HERC1: variants seen among roughly 807,000 people sequenced by gnomAD.
HERC1 encodes the protein probable E3 ubiquitin-protein ligase HERC1.
Under a neutral mutation model 554.3 loss-of-function variants are expected in HERC1, and 160 were observed. The observed-to-expected ratio is 0.29, with a 90% CI of 0.25 to 0.33. The LOEUF is 0.33. HERC1 is among the 10% of genes least tolerant of loss of function. The probability of loss-of-function intolerance (pLI) is 1.00; values close to 1 mark genes in which losing one functional copy is unlikely to be tolerated. For missense variants in HERC1, 4,919 were observed against 5,918.5 expected, an observed-to-expected ratio of 0.83 and a Z score of 5.54; for synonymous variants, 2,175 against 2,131.7, an observed-to-expected ratio of 1.02 and a Z score of -0.56.
At chr15:63,789,237 C>T (rs931387236) in intron 1 of HERC1, among the ~76,000 whole-genome samples, 4 of 148,240 alleles carry the variant, frequency 2.7e-5, no homozygotes, top group Admixed American at 1.3e-4. Context: ...ACTACAGGCG[C>T]CCGCCACTAC....
chr15:63,825,891 T>C (rs571580623), intron 1 of HERC1, among the ~76,000 whole-genome samples: 25 of 151,788 alleles, frequency 1.6e-4, no homozygotes, highest in African/African-American at 5.8e-4. Context: ...GCCTCCCGAG[T>C]AGCTGGGATT....
chr15:63,678,755 G>A (rs1303793878), intron 36 of HERC1, among the ~76,000 whole-genome samples: 1 of 151,984 alleles, frequency 6.6e-6, no homozygotes, highest in Non-Finnish European at 1.5e-5. Context: ...TTGTTCAAGG[G>A]GTGCAAAAGT....
rs182741386 is a variant in HERC1 at position 63,711,475 on chromosome 15, A to G, written c.4584+1300T>C. Among the ~76,000 whole-genome samples the G allele has an allele frequency of 1.0e-3, 152 of 152,338 alleles. 1 individual carries two copies. The highest frequency in any genetic ancestry group is 3.6e-3 in the African/African-American group (148 of 41,562). On this transcript the variant is annotated intron_variant, in intron 24 of 77. Transcript: ENST00000443617. ...AAGCACAGAGATATTAATGCAGATG[A>G]AGGAGAAAAGGAGGAAGTATAAACA...
At position 63,775,080 on chromosome 15, in the gene HERC1, A is replaced by T; in HGVS notation, c.544T>A (p.Ser182Thr). Reference sequence around the variant, plus strand: ...TTGCAAAGACTGAGACCAGGTCCTGACACAGGCATCATCCAACTTTGTCTT... The same window carrying T: ...TTGCAAAGACTGAGACCAGGTCCTGTCACAGGCATCATCCAACTTTGTCTT... ...LLRQSWMMPV[S>T]GPGLSLCNDV... Residue 182 changes from serine (S) to threonine (T), a missense_variant, in exon 2 of 78, where the codon TCA becomes ACA. By Grantham distance (58) the Ser-to-Thr change is moderately conservative. Transcript: ENST00000443617. The surrounding 1 kb of genome is among the most constrained non-coding windows in gnomAD (Gnocchi z 4.0). 6.2e-7 allele frequency: 1 copy of T among 1,614,048 alleles called. No individual in the cohort carries two copies.
At chr15:63,639,821 C>G (rs1170442919) in intron 61 of HERC1, among the ~76,000 whole-genome samples, 1 of 152,108 alleles carries the variant, frequency 6.6e-6, no homozygotes, top group Non-Finnish European at 1.5e-5. Flanking sequence ...ATATAACCCA[C>G]AAGATGACCA....
chr15:63,634,717 T>C lies in HERC1; in HGVS notation c.12570+16A>G. On this transcript the variant is annotated intron_variant, in intron 66 of 77. Coordinates refer to ENST00000443617, the MANE Select transcript of HERC1 (RefSeq NM_003922.4). ...AACAATGATCAGCTAGAATATCTTA[T>C]TGATTTATTCCATGCCTGTCCAATC... 3 of 1,604,780 alleles carry C rather than the reference T, an allele frequency of 1.9e-6. No individual in the cohort carries two copies. The highest frequency in any genetic ancestry group is 2.6e-6 in the Non-Finnish European group (3 of 1,174,052).
At chr15:63,679,033 T>G (rs1465856699) in intron 36 of HERC1, among the ~76,000 whole-genome samples, 1 of 152,232 alleles carries the variant, frequency 6.6e-6, no homozygotes, top group Non-Finnish European at 1.5e-5. Context: ...TTAACTGCTA[T>G]TAGTATTGTG....
chr15:63,609,180 G>A lies in HERC1; in HGVS notation c.14487C>T (p.Arg4829=). ...PYSSQLVMAE[R]LRYAINNCRS... ...GGCAGTTGTTGATGGCATAGCGCAG[G>A]CGCTCGGCCATGACCAGCTGGCTGG... Residue 4829 remains arginine (R), a synonymous_variant, in exon 78 of 78, where the codon CGC becomes CGT. Coordinates refer to ENST00000443617, the MANE Select transcript of HERC1 (RefSeq NM_003922.4). The A allele has an allele frequency of 6.2e-7, 1 of 1,613,822 alleles. No homozygotes were observed. Among genetic ancestry groups the A allele is most frequent in the South Asian group, 1.1e-5 (1 of 91,000 alleles).
intron 1 of HERC1, among the ~76,000 whole-genome samples, chr15:63,783,313 G>T (rs529002436): frequency 2.6e-5 from 4 of 151,934 alleles, no homozygotes; most frequent in African/African-American, 9.7e-5. Context: ...CCCCCATCCC[G>T]ATCAGTCAGC....
At chr15:63,725,535 A>G (rs372779486) in intron 17 of HERC1, 22 bp from the exon 18 acceptor site, 1 of 1,587,720 alleles carries the variant, frequency 6.3e-7, no homozygotes, top group Non-Finnish European at 8.6e-7. Context: ...ATCATTAGTT[A>G]TTGTGTCTTT....
chr15:63,703,109 C>CAAAA (rs372589572), intron 25 of HERC1, among the ~76,000 whole-genome samples: 3 of 91,740 alleles, frequency 3.3e-5, no homozygotes, highest in Admixed American at 1.2e-4. Context: ...GACTCTGTCT[C>CAAAA]AAAAAAAAAA....
chr15:63,828,638 C>T (rs2078023383), intron 1 of HERC1, among the ~76,000 whole-genome samples: 2 of 152,062 alleles, frequency 1.3e-5, no homozygotes, highest in Non-Finnish European at 2.9e-5. Context: ...CGCACCCAGC[C>T]CAGTACACCT....
At chr15:63,618,434 T>C (rs1223784779) in intron 74 of HERC1, among the ~76,000 whole-genome samples, 2 of 151,908 alleles carry the variant, frequency 1.3e-5, no homozygotes, top group East Asian at 3.8e-4. Context: ...AGTCAGGTAG[T>C]GTGATGCCTC....
chr15:63,769,564 A>C (rs1276358310), intron 2 of HERC1, among the ~76,000 whole-genome samples: 1 of 151,730 alleles, frequency 6.6e-6, no homozygotes, highest in Non-Finnish European at 1.5e-5. Flanking sequence ...AATTAAAATA[A>C]ATTTTGGGGC....
At chr15:63,714,323 C>T (rs1404945644) in intron 22 of HERC1, among the ~76,000 whole-genome samples, 1 of 152,106 alleles carries the variant, frequency 6.6e-6, no homozygotes, top group Non-Finnish European at 1.5e-5. Context: ...TAAATAAGCA[C>T]TGTCACTAAA....
chr15:63,614,413 A>G (rs190834165), intron 76 of HERC1, among the ~76,000 whole-genome samples: 1 of 152,242 alleles, frequency 6.6e-6, no homozygotes, highest in Admixed American at 6.5e-5. Context: ...ATACATTTCT[A>G]GTCAGTTATT....
intron 25 of HERC1, among the ~76,000 whole-genome samples, chr15:63,703,235 C>T (rs2072823872): frequency 6.6e-6 from 1 of 152,006 alleles, no homozygotes; most frequent in Admixed American, 6.6e-5. Flanking sequence ...AGACCAAGGG[C>T]TTAGACCAAT....
At position 63,625,960 on chromosome 15, in the gene HERC1, G is replaced by T. The variant is rs780926289; in HGVS notation, c.13275+25C>A. 6.9e-6 allele frequency: 11 copies of T among 1,592,282 alleles called. No homozygotes were observed. The African/African-American group carries it at 1.5e-4, about 21-fold the overall frequency. On this transcript the variant is annotated intron_variant, in intron 71 of 77. Transcript: ENST00000443617. ...TGCTTACCAAGCCAGTCTGTGCCTG[G>T]CTGCTTACCACGCCAGTCTGTTACC...
chr15:63,754,448 A>G (rs1186734088), intron 7 of HERC1, 57 bp downstream of exon 7: 2 of 1,452,064 alleles, frequency 1.4e-6, no homozygotes, highest in Admixed American at 2.2e-5. Context: ...TGAAAAATAA[A>G]TTTTTAAAAA....
Sources: gnomAD v4.1 joint callset for allele counts (sites outside exome capture counted in the v4.1 genomes callset) on GRCh38, gnomAD v4.1.1 for gene constraint, Gnocchi (gnomAD v3.1) non-coding constraint, MANE v1.5 for transcripts, NCBI Gene and HGNC (gene_info 2026-07-23, HGNC 2026-07-21) for gene names.